The following PSMD3 variants were observed in gnomAD, a reference collection of about 807,000 sequenced individuals.
PSMD3 encodes 26S proteasome non-ATPase regulatory subunit 3.
A neutral mutation model predicts 62.8 loss-of-function variants in PSMD3; 5 were observed. The observed-to-expected ratio is 0.08, with a 90% CI of 0.04 to 0.17. PSMD3 has a LOEUF of 0.17. Ranked by LOEUF, PSMD3 falls within the 10% of genes least tolerant of loss-of-function variation. The pLI is 1.00. For missense variants in PSMD3, 524 were observed against 713.6 expected, an observed-to-expected ratio of 0.73 and a Z score of 3.03; for synonymous variants, 265 against 283.9, an observed-to-expected ratio of 0.93 and a Z score of 0.67.
In PSMD3 at chr17:39,995,336, C is replaced by G; in HGVS notation, c.1216+41C>G. The G allele has an allele frequency of 6.2e-7, 1 of 1,614,076 alleles. No individual in the cohort carries two copies. The highest frequency in any genetic ancestry group is 8.5e-7 in the Non-Finnish European group (1 of 1,179,964). On this transcript the variant is annotated intron_variant, in intron 8 of 11. Transcript: ENST00000264639. This position sits in a 1 kb window ranked among gnomAD's most constrained non-coding sequence, Gnocchi z 4.1. ...TGAGGGGCTGTTGGAGGAGCAGAAG[C>G]CAGGCCAGGGCAAACCTAGTGGGTA... is the stretch of plus-strand genomic sequence containing the variant.
chr17:39,984,216 A>AG (rs1361371168), intron 1 of PSMD3, 78 bp from the exon 2 acceptor site: 4 of 875,104 alleles, frequency 4.6e-6, no homozygotes, highest in Non-Finnish European at 6.5e-6. Flanking sequence ...AAAAAAAAAA[A>AG]AAAAAAGAAC....
chr17:39,989,270 G>A (rs1468964913), intron 4 of PSMD3, among the ~76,000 whole-genome samples: 1 of 152,080 alleles, frequency 6.6e-6, no homozygotes, highest in Admixed American at 6.5e-5. Context: ...TTCCTCTGGT[G>A]TGCCCGGCAC....
chr17:39,991,141 AT>A (rs1004259403), intron 6 of PSMD3, among the ~76,000 whole-genome samples: 2 of 151,268 alleles, frequency 1.3e-5, no homozygotes, highest in Admixed American at 6.6e-5. Context: ...CATCCAACTA[AT>A]TTTTTTGTTT....
At chr17:39,990,247 T>TTA in intron 6 of PSMD3, 50 bp downstream of exon 6, 6 of 1,356,548 alleles carry the variant, frequency 4.4e-6, no homozygotes, top group South Asian at 1.3e-5. Flanking sequence ...TTTTTTTTTT[T>TTA]AAATGGTGTC....
At chr17:39,987,243 G>T (rs1379035525) in intron 3 of PSMD3, among the ~76,000 whole-genome samples, 2 of 152,182 alleles carry the variant, frequency 1.3e-5, no homozygotes, top group Non-Finnish European at 2.9e-5. Context: ...GCTAGGGCCA[G>T]CTTCTTTGTT....
At chr17:39,986,940 G>A (rs1022217649) in intron 3 of PSMD3, among the ~76,000 whole-genome samples, 1 of 152,170 alleles carries the variant, frequency 6.6e-6, no homozygotes, top group African/African-American at 2.4e-5. Flanking sequence ...ACCGGTCTGT[G>A]GGGGATACCA....
intron 6 of PSMD3, 119 bp downstream of exon 6, chr17:39,990,316 G>A: frequency 1.2e-6 from 1 of 843,024 alleles, no homozygotes; most frequent in Non-Finnish European, 1.8e-6. Flanking sequence ...TCCCACCTCA[G>A]CTTCCCAAAG....
At chr17:39,992,659 TTCACTACCTGTGTTTTCCA>T in intron 6 of PSMD3, among the ~76,000 whole-genome samples, 1 of 152,302 alleles carries the variant, frequency 6.6e-6, no homozygotes, top group Non-Finnish European at 1.5e-5. Context: ...TAACACCAGC[TTCACTACCTGTGTTTTCCA>T]TCACACTCCT....
At chr17:39,982,626 A>G (rs952284937) in intron 1 of PSMD3, among the ~76,000 whole-genome samples, 3 of 152,242 alleles carry the variant, frequency 2.0e-5, no homozygotes, top group Non-Finnish European at 2.9e-5. Flanking sequence ...AAGTAATAGT[A>G]CAGTACTTTA....
chr17:39,993,921 C>T (rs1217013312), intron 6 of PSMD3: 3 of 152,178 alleles, frequency 2.0e-5, no homozygotes, highest in African/African-American at 4.8e-5. Context: ...AAGTGTTCTA[C>T]GTGCAGACTT....
chr17:39,981,693 T>G (rs1980389422), intron 1 of PSMD3, among the ~76,000 whole-genome samples: 1 of 152,214 alleles, frequency 6.6e-6, no homozygotes, highest in Admixed American at 6.5e-5. Context: ...CGACCTAGTA[T>G]CTTGTTTCCT....
In PSMD3 at chr17:39,996,130, A is replaced by AG. The variant is rs1980777610; in HGVS notation, c.1321-53_1321-52insG. On this transcript the variant is annotated intron_variant, in intron 9 of 11. Transcript: ENST00000264639. This position sits in a 1 kb window ranked among gnomAD's most constrained non-coding sequence, Gnocchi z 5.1. ...AGCGAGACTCCATCTCAAAAAAAAA[A>AG]AAAAAGAAGAAGCTGGGTGTGCTGG... is the stretch of plus-strand genomic sequence containing the variant. 1 of 1,607,222 alleles carries AG rather than the reference A, an allele frequency of 6.2e-7. No homozygotes were observed. The highest frequency in any genetic ancestry group is 2.2e-5 in the East Asian group (1 of 44,838).
At chr17:39,991,595 T>C (rs2144813652) in intron 6 of PSMD3, among the ~76,000 whole-genome samples, 1 of 152,330 alleles carries the variant, frequency 6.6e-6, no homozygotes, top group South Asian at 2.1e-4. Flanking sequence ...GCTCCTACCT[T>C]CACACAACAT....
rs766260375 is a variant in PSMD3, at chr17:39,995,009, T to C, written c.1037T>C (p.Leu346Pro). Reference sequence around the variant, plus strand: ...TTGCTGGGGGAGATCCCTGACCGGCTGCAGTTCCGCCAGCCCTCCCTCAAG... The same window carrying C: ...TTGCTGGGGGAGATCCCTGACCGGCCGCAGTTCCGCCAGCCCTCCCTCAAG... ...ELLLGEIPDR[L>P]QFRQPSLKRS... The change falls in exon 7 of 12, where the codon CTG becomes CCG. Residue 346 changes from leucine to proline, a missense_variant. By Grantham distance (98) the Leu-to-Pro change is moderately conservative. Around this residue, in one of 4 missense-constraint regions of PSMD3, gnomAD observed 396 missense variants for 475.8 expected, o/e 0.83. Transcript: ENST00000264639. This position sits in a 1 kb window ranked among gnomAD's most constrained non-coding sequence, Gnocchi z 4.1. 12 of 1,614,160 alleles carry C rather than the reference T, an allele frequency of 7.4e-6. No individual in the cohort carries two copies. Among genetic ancestry groups the C allele is most frequent in the Non-Finnish European group, 1.0e-5 (12 of 1,180,038 alleles).
chr17:39,996,387 C>G lies in PSMD3; in HGVS notation c.1476+49C>G, dbSNP rs762599449. On this transcript the variant is annotated intron_variant, in intron 10 of 11. Coordinates refer to ENST00000264639, the MANE Select transcript of PSMD3 (RefSeq NM_002809.4). This position sits in a 1 kb window ranked among gnomAD's most constrained non-coding sequence, Gnocchi z 5.1. ...TCACGCCTGGCAGCAGCACACCCCT[C>G]CCTCCACACTCATGGATTCCTCAGA... 3.1e-6 allele frequency: 5 copies of G among 1,587,976 alleles called. No individual in the cohort carries two copies. The highest frequency in any genetic ancestry group is 4.3e-6 in the Non-Finnish European group (5 of 1,163,176).
In PSMD3 at chr17:39,980,829, G is replaced by C; in HGVS notation, c.-142G>C. The C allele has an allele frequency of 1.3e-6, 1 of 749,684 alleles. No homozygotes were observed. Among genetic ancestry groups the C allele is most frequent in the South Asian group, 2.0e-5 (1 of 50,964 alleles). 46.4% of individuals were successfully genotyped at this position (749,684 alleles called of 1,614,324 possible). On this transcript the variant is annotated 5_prime_UTR_variant, in exon 1 of 12. Transcript: ENST00000264639. The stretch of plus-strand genomic sequence containing the variant: ...CCCAGAAGGCCCAGCGCCGGGAAGG[G>C]GTTTGCAGCTGCTCCGTCATCGTGC...
At chr17:39,984,213 A>G in intron 1 of PSMD3, 81 bp from the exon 2 acceptor site, 1 of 832,828 alleles carries the variant, frequency 1.2e-6, no homozygotes, top group South Asian at 1.9e-5. Flanking sequence ...AAAAAAAAAA[A>G]AAAAAAAAAG....
Position 39,981,087 on chromosome 17 carries a change from G to A in PSMD3, c.117G>A (p.Glu39=). Residue 39 remains glutamate, a synonymous_variant, in exon 1 of 12, where the codon GAG becomes GAA. Coordinates refer to ENST00000264639, the MANE Select transcript of PSMD3 (RefSeq NM_002809.4). ...PPAPQDVEMK[E]EAATGGGSTG... The stretch of plus-strand genomic sequence containing the variant: ...CCCCCCAGGATGTGGAGATGAAAGA[G>A]GAGGCAGCGACGGGTGGCGGGTCGA... The A allele has an allele frequency of 3.2e-6, 5 of 1,550,830 alleles. No individual in the cohort carries two copies. Among genetic ancestry groups the A allele is most frequent in the Non-Finnish European group, 4.4e-6 (5 of 1,146,792 alleles).
rs1980805610 is a variant in PSMD3 at position 39,997,258 on chromosome 17, G to A, written c.1477-72G>A. 1.2e-4 allele frequency: 173 copies of A among 1,452,846 alleles called. No individual in the cohort carries two copies. In the South Asian group the frequency reaches 1.9e-3, roughly 16 times the overall value. 90.0% of individuals were successfully genotyped at this position (1,452,846 alleles called of 1,614,324 possible). ...GTGTCTAGCTCACAGAGGGGACGCAGGGAGTGCAGGTTGCGTGAGTGCCTC... is the reference window on the plus strand; with the variant it reads ...GTGTCTAGCTCACAGAGGGGACGCAAGGAGTGCAGGTTGCGTGAGTGCCTC... On this transcript the variant is annotated intron_variant, in intron 10 of 11. Transcript: ENST00000264639.
Sources: gnomAD v4.1 joint callset for allele counts (sites outside exome capture counted in the v4.1 genomes callset) on GRCh38, gnomAD v4.1.1 for gene constraint, gnomAD v4.1.1 regional missense constraint, Gnocchi (gnomAD v3.1) non-coding constraint, MANE v1.5 for transcripts, NCBI Gene and HGNC (gene_info 2026-07-23, HGNC 2026-07-21) for gene names.